Variants in ARMH3 observed in about 807,000 individuals in gnomAD.
ARMH3 encodes the protein armadillo-like helical domain-containing protein 3.
In ARMH3, 60 loss-of-function variants were observed where a neutral mutation model predicts 99.1. That is an observed-to-expected ratio of 0.61 (90% CI 0.49 to 0.75). The LOEUF is 0.75. Among genes scored for constraint, ARMH3 ranks in the 30% least tolerant of loss-of-function variants. ARMH3 has a pLI of 0.00. For synonymous variants in ARMH3, 285 were observed against 292.8 expected, an observed-to-expected ratio of 0.97 and a Z score of 0.27; for missense variants, 679 against 843.1, an observed-to-expected ratio of 0.81 and a Z score of 2.41.
intron 14 of ARMH3, among the ~76,000 whole-genome samples, chr10:102,003,358 C>T (rs886954189): frequency 6.6e-6 from 1 of 152,082 alleles, no homozygotes; most frequent in African/African-American, 2.4e-5. Flanking sequence ...AACAGGGTTT[C>T]ACCATGTTGG....
At chr10:101,976,233 A>G (rs1297141164) in intron 19 of ARMH3, among the ~76,000 whole-genome samples, 2 of 147,674 alleles carry the variant, frequency 1.4e-5, no homozygotes, top group African/African-American at 2.5e-5. Flanking sequence ...CCAGCTACTC[A>G]GGAGGCTGAG....
chr10:102,042,494 A>T (rs1314051677), intron 1 of ARMH3, among the ~76,000 whole-genome samples: 1 of 152,216 alleles, frequency 6.6e-6, no homozygotes, highest in Non-Finnish European at 1.5e-5. Context: ...CAAACTACCA[A>T]ATTTCCTAAG....
chr10:101,962,970 CTTTTTTTTTT>C (rs11358645), intron 20 of ARMH3, among the ~76,000 whole-genome samples: 10 of 131,770 alleles, frequency 7.6e-5, no homozygotes, highest in Non-Finnish European at 1.6e-4. Context: ...GTCTTTTTTT[CTTTTTTTTTT>C]TTTTTTTGAG....
chr10:102,007,194 G>C (rs904083721), intron 13 of ARMH3, among the ~76,000 whole-genome samples: 17 of 98,048 alleles, frequency 1.7e-4, no homozygotes, highest in African/African-American at 6.0e-4. Context: ...AAAAAGCTGA[G>C]AAGGGACTAC....
rs569179050 is a variant in ARMH3, at chr10:101,946,071, C to CAAA, written c.1706-6136_1706-6134dup. 4.6e-3 allele frequency among the ~76,000 whole-genome samples: 159 copies of CAAA among 34,482 alleles called. 6 individuals carry two copies. Among genetic ancestry groups the CAAA allele is most frequent in the African/African-American group, 8.1e-3 (34 of 4,174 alleles). 22.6% of individuals were successfully genotyped at this position (34,482 alleles called of 152,430 possible). A position where few individuals can be genotyped will look rare whatever the true frequency, so the allele number is the denominator to read the frequency against. On this transcript the variant is annotated intron_variant, in intron 22 of 25. Transcript: ENST00000370033. The stretch of plus-strand genomic sequence containing the variant: ...TGGGCGACAGAGTAAGACTCTGCCT[C>CAAA]AAAAAAAAAAAAAAAAAAAAAAAAA...
rs151154934 is a variant in ARMH3, at chr10:101,958,370, G to T, written c.1496-638C>A. Among the ~76,000 whole-genome samples, 4 of 152,328 alleles carry T rather than the reference G, an allele frequency of 2.6e-5. No individual in the cohort carries two copies. The East Asian group carries it at 7.7e-4, about 29-fold the overall frequency. On this transcript the variant is annotated intron_variant, in intron 20 of 25. Coordinates refer to ENST00000370033, the MANE Select transcript of ARMH3 (RefSeq NM_024541.3). ...TCTGCCTGGCAATTCTTAGCGAGGG[G>T]AGAGATTCCTAAAACCCAAGCAACC...
intron 23 of ARMH3, among the ~76,000 whole-genome samples, chr10:101,907,548 AT>A (rs993516378): frequency 6.6e-6 from 1 of 151,834 alleles, no homozygotes; most frequent in Non-Finnish European, 1.5e-5. Context: ...CACCCAGCTC[AT>A]TTTTTTGTAT....
At chr10:101,995,992 C>T (rs981814035) in intron 15 of ARMH3, among the ~76,000 whole-genome samples, 18 of 152,188 alleles carry the variant, frequency 1.2e-4, no homozygotes, top group African/African-American at 4.3e-4. Flanking sequence ...CTGAATAAAA[C>T]AGACAAAGGT....
At chr10:102,016,395 GAAGT>G in intron 8 of ARMH3, among the ~76,000 whole-genome samples, 3 of 152,300 alleles carry the variant, frequency 2.0e-5, no homozygotes, top group Admixed American at 6.5e-5. Context: ...AGGCTTAAAT[GAAGT>G]AAGACACATC....
Position 102,033,080 on chromosome 10 carries a change from G to C in ARMH3, c.252C>G (p.His84Gln), listed in dbSNP as rs1370507448. ...GCTCCTCTCCCAGAGCCTGGATGCAGTGTTGGAATAAGCAATTAATATTGT... is the reference window on the plus strand; with the variant it reads ...GCTCCTCTCCCAGAGCCTGGATGCACTGTTGGAATAAGCAATTAATATTGT... ...IKDNINCLFQ[H>Q]CIQALGEEHP... Residue 84 changes from histidine to glutamine, a missense_variant, in exon 4 of 26, where the codon CAC (histidine) becomes CAG (glutamine). Around this residue, in one of 3 missense-constraint regions of ARMH3, gnomAD observed 280 missense variants for 354.6 expected, o/e 0.79. Transcript: ENST00000370033. 1.2e-6 allele frequency: 2 copies of C among 1,614,096 alleles called. No homozygotes were observed. Among genetic ancestry groups the C allele is most frequent in the Admixed American group, 3.3e-5 (2 of 60,002 alleles).
At chr10:102,003,377 G>C (rs1165362936) in intron 14 of ARMH3, among the ~76,000 whole-genome samples, 1 of 152,066 alleles carries the variant, frequency 6.6e-6, no homozygotes, top group African/African-American at 2.4e-5. Context: ...GGCCAGGCTG[G>C]TCTTGAACTC....
At chr10:101,959,615 T>C (rs1845189541) in intron 20 of ARMH3, among the ~76,000 whole-genome samples, 1 of 152,228 alleles carries the variant, frequency 6.6e-6, no homozygotes, top group Non-Finnish European at 1.5e-5. Context: ...ATTGCTCCTC[T>C]GCTGGACTAC....
At chr10:102,014,058 T>C (rs369377428) in intron 8 of ARMH3, 34 bp from the exon 9 acceptor site, 5 of 1,550,628 alleles carry the variant, frequency 3.2e-6, no homozygotes. Flanking sequence ...CAGGTAAGTC[T>C]GACCTAGTTA....
intron 20 of ARMH3, among the ~76,000 whole-genome samples, chr10:101,963,164 A>T (rs1845377443): frequency 1.4e-5 from 2 of 147,132 alleles, no homozygotes; most frequent in Admixed American, 1.4e-4. Context: ...TTTTTTTGAA[A>T]CAGAGTCTCA....
Position 102,032,964 on chromosome 10 carries a change from C to G in ARMH3, c.306+62G>C, listed in dbSNP as rs1040536049. ...GCAACTCTAGGTTCCTCAGTTCAAA[C>G]AGATGTGTTACAATTCCTTTCTCCT... On this transcript the variant is annotated intron_variant, in intron 4 of 25. Transcript: ENST00000370033. 8.8e-5 allele frequency: 139 copies of G among 1,576,810 alleles called. No homozygotes were observed. In the East Asian group the frequency reaches 9.2e-4, roughly 10 times the overall value.
chr10:102,051,632 A>G (rs925894855), intron 1 of ARMH3, among the ~76,000 whole-genome samples: 3 of 152,200 alleles, frequency 2.0e-5, no homozygotes, highest in African/African-American at 7.2e-5. Context: ...TGTGTGCTCT[A>G]GACAATGCTC....
At chr10:101,931,206 A>G (rs1316544390) in intron 23 of ARMH3, among the ~76,000 whole-genome samples, 1 of 152,216 alleles carries the variant, frequency 6.6e-6, no homozygotes, top group African/African-American at 2.4e-5. Flanking sequence ...GACTCAAGTT[A>G]AGAAATCTGA....
At chr10:101,872,866 G>A (rs1017389074) in intron 24 of ARMH3, among the ~76,000 whole-genome samples, 1 of 151,738 alleles carries the variant, frequency 6.6e-6, no homozygotes, top group Non-Finnish European at 1.5e-5. Context: ...GCTGAGACAG[G>A]AGAATTGCTT....
At chr10:102,041,075 C>CATATATATATATATAAT (rs138965011) in intron 1 of ARMH3, among the ~76,000 whole-genome samples, 100 of 132,002 alleles carry the variant, frequency 7.6e-4, no homozygotes, top group Non-Finnish European at 1.4e-3. Context: ...ATTGTGTGTA[C>CATATATATATATATAAT]ATATATATAT....
Sources: gnomAD v4.1 joint callset for allele counts (sites outside exome capture counted in the v4.1 genomes callset) on GRCh38, gnomAD v4.1.1 for gene constraint, gnomAD v4.1.1 regional missense constraint, MANE v1.5 for transcripts, NCBI Gene and HGNC (gene_info 2026-07-23, HGNC 2026-07-21) for gene names.